The following TSFM variants were observed in gnomAD, a reference collection of about 807,000 sequenced individuals.
TSFM encodes the protein elongation factor Ts, mitochondrial.
Under a neutral mutation model 33.4 loss-of-function variants are expected in TSFM, and 29 were observed. That is an observed-to-expected ratio of 0.87 (90% CI 0.65 to 1.18). The LOEUF (loss-of-function observed/expected upper bound fraction) is 1.18. TSFM is among the 50% of genes most tolerant of loss of function. The pLI is 0.00. For missense variants in TSFM, 394 were observed against 395.6 expected (o/e 1.00, Z 0.04); for synonymous variants, 178 against 163.5 (o/e 1.09, Z -0.68).
At position 57,797,036 on chromosome 12, in the gene TSFM, C is replaced by G; in HGVS notation, c.*453C>G. On this transcript the variant is annotated 3_prime_UTR_variant, in exon 6 of 6. Coordinates refer to ENST00000652027, the MANE Select transcript of TSFM (RefSeq NM_005726.6). ...ATTATTGATTCAAACCTAGAGTTGT[C>G]TGGAAAATGTGGGTTCTCTTCTTTG... 1.0e-6 allele frequency: 1 copy of G among 985,638 alleles called. No individual in the cohort carries two copies. The highest frequency in any genetic ancestry group is 1.2e-6 in the Non-Finnish European group (1 of 830,084). 61.1% of individuals were successfully genotyped at this position (985,638 alleles called of 1,614,324 possible).
At chr12:57,791,941 T>C in intron 4 of TSFM, 1 of 379,052 alleles carries the variant, frequency 2.6e-6, no homozygotes, top group Non-Finnish European at 5.4e-6. Flanking sequence ...TTTATGATTT[T>C]ATGAAAATAT....
chr12:57,801,396 C>T (rs529329978), downstream of TSFM: 119 of 491,480 alleles, frequency 2.4e-4, 3 homozygotes, highest in South Asian at 2.5e-3. Flanking sequence ...TTAAACATAA[C>T]GCACATTCTT....
At chr12:57,801,392 A>T, downstream of TSFM, 1 of 503,490 alleles carries the variant, frequency 2.0e-6, no homozygotes, top group Non-Finnish European at 3.6e-6. Context: ...GTGCTTAAAC[A>T]TAACGCACAT....
At position 57,796,649 on chromosome 12, in the gene TSFM, A is replaced by G. The variant is rs1432040417; in HGVS notation, c.*66A>G. The G allele has an allele frequency of 5.4e-6, 7 of 1,285,242 alleles. No homozygotes were observed. Among genetic ancestry groups the G allele is most frequent in the South Asian group, 3.5e-5 (1 of 28,320 alleles). 79.6% of individuals were successfully genotyped at this position (1,285,242 alleles called of 1,614,324 possible). A position where few individuals can be genotyped will look rare whatever the true frequency, so the allele number is the denominator to read the frequency against. On this transcript the variant is annotated 3_prime_UTR_variant, in exon 6 of 6. Coordinates refer to ENST00000652027, the MANE Select transcript of TSFM (RefSeq NM_005726.6). Reference sequence around the variant, plus strand: ...GCTCTGGACATCATTACAAAAAGGAATATTTCCCAAACCTCTTCAGACCGA... The same window carrying G: ...GCTCTGGACATCATTACAAAAAGGAGTATTTCCCAAACCTCTTCAGACCGA...
chr12:57,782,810 G>T lies in TSFM; in HGVS notation c.9G>T (p.Leu3=). The T allele has an allele frequency of 3.8e-6, 6 of 1,591,358 alleles. No individual in the cohort carries two copies. Among genetic ancestry groups the T allele is most frequent in the Non-Finnish European group, 5.1e-6 (6 of 1,169,878 alleles). MS[L]LRSLRVFLVA... Reference sequence around the variant, plus strand: ...TTATCGCGGCTAGAGAGATGTCGCTGCTGCGGTCGCTGCGCGTGTTTCTGG... The same window carrying T: ...TTATCGCGGCTAGAGAGATGTCGCTTCTGCGGTCGCTGCGCGTGTTTCTGG... The change falls in exon 1 of 6, where the codon CTG becomes CTT. Residue 3 remains leucine, a synonymous_variant. Transcript: ENST00000652027.
chr12:57,783,596 CTTTTTTT>C, intron 2 of TSFM: 1 of 494,904 alleles, frequency 2.0e-6, no homozygotes. Context: ...TGACTTTAGA[CTTTTTTT>C]TTTTTTTTCA....
chr12:57,796,908 A>G lies in TSFM; in HGVS notation c.*325A>G. On this transcript the variant is annotated 3_prime_UTR_variant, in exon 6 of 6. Transcript: ENST00000652027. ...TGTTCTGTCTTACACCTTTTATGAC[A>G]TAGAACTCTTTTGTTCTGTTTTTGC... 2.0e-6 allele frequency: 2 copies of G among 1,011,830 alleles called. No homozygotes were observed. The highest frequency in any genetic ancestry group is 2.4e-6 in the Non-Finnish European group (2 of 848,150). 62.7% of individuals were successfully genotyped at this position (1,011,830 alleles called of 1,614,324 possible).
chr12:57,791,803 C>T (rs1955665708), intron 4 of TSFM, among the ~76,000 whole-genome samples: 1 of 152,164 alleles, frequency 6.6e-6, no homozygotes, highest in Non-Finnish European at 1.5e-5. Flanking sequence ...AAGGTGAATT[C>T]ATAGAAATAG....
At chr12:57,799,275 T>G (rs1219632184), downstream of TSFM, among the ~76,000 whole-genome samples, 3 of 152,212 alleles carry the variant, frequency 2.0e-5, no homozygotes, top group Non-Finnish European at 4.4e-5. Flanking sequence ...AAGGCTGGAA[T>G]AAGCATGTTT....
intron 3 of TSFM, among the ~76,000 whole-genome samples, chr12:57,786,648 A>G (rs767522135): frequency 1.3e-5 from 2 of 152,332 alleles, no homozygotes; most frequent in Non-Finnish European, 2.9e-5. Context: ...GGGGGCCATA[A>G]TTGGTGAAGA....
chr12:57,798,100 G>T (rs1955772552), downstream of TSFM: 3 of 615,210 alleles, frequency 4.9e-6, no homozygotes, highest in East Asian at 9.5e-5. Flanking sequence ...GATCCTTGAA[G>T]AGGGAAGTAG....
intron 4 of TSFM, among the ~76,000 whole-genome samples, chr12:57,789,122 C>T (rs1469689660): frequency 2.0e-5 from 3 of 151,908 alleles, no homozygotes; most frequent in Admixed American, 6.6e-5. Flanking sequence ...CCATCATGCC[C>T]GGCTAATTTT....
downstream of TSFM, chr12:57,798,083 C>G (rs1595151238): frequency 2.4e-6 from 2 of 830,676 alleles, no homozygotes; most frequent in East Asian, 5.6e-5. Flanking sequence ...AGAGGGAGTT[C>G]TAGGTGGATC....
chr12:57,788,063 C>T (rs979377399), intron 4 of TSFM, among the ~76,000 whole-genome samples: 1 of 152,212 alleles, frequency 6.6e-6, no homozygotes, highest in Non-Finnish European at 1.5e-5. Flanking sequence ...CAACCACTCA[C>T]AGTAATTTTT....
At chr12:57,786,753 A>G (rs1342096977) in intron 3 of TSFM, among the ~76,000 whole-genome samples, 1 of 152,184 alleles carries the variant, frequency 6.6e-6, no homozygotes, top group Non-Finnish European at 1.5e-5. Context: ...TGAGGTGATG[A>G]TGGTGTGCAG....
rs182363784 is a variant in TSFM, at chr12:57,795,044, C to T, written c.572-1133C>T. Among the ~76,000 whole-genome samples the T allele has an allele frequency of 3.5e-3, 524 of 148,690 alleles. 11 individuals carry two copies. In the East Asian group the frequency reaches 0.052, roughly 15 times the overall value. On this transcript the variant is annotated intron_variant, in intron 5 of 5. Coordinates refer to ENST00000652027, the MANE Select transcript of TSFM (RefSeq NM_005726.6). Reference sequence around the variant, plus strand: ...AAAGTGCTGGGATTACAGGCGTGAGCCACCGCACCCAGCCCTAGTTAATGC... The same window carrying T: ...AAAGTGCTGGGATTACAGGCGTGAGTCACCGCACCCAGCCCTAGTTAATGC...
chr12:57,793,900 G>A (rs924959613), intron 5 of TSFM, among the ~76,000 whole-genome samples: 11 of 152,186 alleles, frequency 7.2e-5, no homozygotes, highest in Non-Finnish European at 1.3e-4. Context: ...AAATCTGGTT[G>A]TGAATTTGTA....
chr12:57,799,863 G>C, downstream of TSFM: 1 of 1,614,060 alleles, frequency 6.2e-7, no homozygotes. Context: ...ACTGCTATAG[G>C]GTAATATTTT....
chr12:57,793,683 G>A (rs577784312), intron 5 of TSFM, among the ~76,000 whole-genome samples: 7 of 152,252 alleles, frequency 4.6e-5, no homozygotes, highest in African/African-American at 7.2e-5. Flanking sequence ...GATTTTGGCT[G>A]TTTGCAACTA....
Sources: gnomAD v4.1 joint callset for allele counts (sites outside exome capture counted in the v4.1 genomes callset) on GRCh38, gnomAD v4.1.1 for gene constraint, MANE v1.5 for transcripts, NCBI Gene and HGNC (gene_info 2026-07-23, HGNC 2026-07-21) for gene names.